The following GK variants were observed in gnomAD, a reference collection of about 807,000 sequenced individuals.
GK encodes glycerol kinase.
Under a neutral mutation model 56.4 loss-of-function variants are expected in GK, and 9 were observed. The ratio of observed to expected loss-of-function variants is 0.16; its 90% confidence interval spans 0.10 to 0.28. The LOEUF (loss-of-function observed/expected upper bound fraction) is 0.28, where lower values mean the gene tolerates loss of function less well. GK is among the 10% of genes least tolerant of loss of function. The pLI, the probability that GK is intolerant of heterozygous loss-of-function variation, is 1.00. For synonymous variants in GK, 104 were observed against 144.1 expected (o/e 0.72, Z 1.99); for missense variants, 161 against 431.4 (o/e 0.37, Z 5.55).
At chrX:30,675,682 T>A (rs1249468340) in intron 3 of GK, among the ~76,000 whole-genome samples, 1 of 107,399 alleles carries the variant, frequency 9.3e-6, no homozygotes, top group African/African-American at 3.4e-5. Flanking sequence ...ATTTTTAAAA[T>A]TTTTTTTTAG....
chrX:30,712,665 C>T (rs1199040746), intron 13 of GK, among the ~76,000 whole-genome samples: 1 of 106,092 alleles, frequency 9.4e-6, no homozygotes, highest in South Asian at 4.2e-4. Flanking sequence ...TGTGTTAGGC[C>T]GGAATGAACT....
At chrX:30,653,905 C>T (rs951932513) in intron 1 of GK, among the ~76,000 whole-genome samples, 4 of 112,645 alleles carry the variant, frequency 3.6e-5, no homozygotes, top group Admixed American at 9.3e-5. Flanking sequence ...AGGGACTCTC[C>T]GAGCATCCGC....
intron 4 of GK, chrX:30,678,141 G>T: frequency 2.2e-6 from 1 of 447,999 alleles, no homozygotes. Context: ...TTGTGTGTTT[G>T]TCTTTCCATC....
chrX:30,699,150 G>A (rs779107312), intron 9 of GK, among the ~76,000 whole-genome samples: 2 of 102,238 alleles, frequency 2.0e-5, no homozygotes, highest in East Asian at 6.1e-4. Context: ...GCTCATCCTA[G>A]TACATCACCC....
At position 30,710,882 on chromosome X, in the gene GK, T is replaced by C. The variant is rs768136861; in HGVS notation, c.975+2748T>C. On this transcript the variant is annotated intron_variant, in intron 13 of 20. Coordinates refer to ENST00000427190, the MANE Select transcript of GK (RefSeq NM_001205019.2). ...AGTGTATGTCATTTTTTGGTATTTTTAATCTCCCGACCATGATAAGGAACT... is the reference window on the plus strand; with the variant it reads ...AGTGTATGTCATTTTTTGGTATTTTCAATCTCCCGACCATGATAAGGAACT... 4.5e-5 allele frequency among the ~76,000 whole-genome samples: 5 copies of C among 111,548 alleles called. No homozygotes were observed. The South Asian group carries it at 1.8e-3, about 41-fold the overall frequency.
Position 30,724,168 on chromosome X carries a change from A to G in GK, c.1569A>G (p.Gln523=). The G allele has an allele frequency of 1.7e-6, 2 of 1,145,482 alleles. No individual in the cohort carries two copies. The highest frequency in any genetic ancestry group is 2.7e-4 in the Middle Eastern group (1 of 3,760). The allele number at this position is 1,145,482 out of a possible 1,213,427, so 94.4% of individuals were successfully genotyped here. ...VMKSMGWVTT[Q]SPESGDPSIF... Reference sequence around the variant, plus strand: ...AGTCAATGGGTTGGGTTACAACTCAATCTCCAGAAAGTGGTAAAAATGTTT... The same window carrying G: ...AGTCAATGGGTTGGGTTACAACTCAGTCTCCAGAAAGTGGTAAAAATGTTT... The change falls in exon 19 of 21, where the codon CAA becomes CAG. Residue 523 remains glutamine (Q), a synonymous_variant. Transcript: ENST00000427190.
At chrX:30,690,866 T>C (rs1934893200) in intron 4 of GK, among the ~76,000 whole-genome samples, 1 of 111,994 alleles carries the variant, frequency 8.9e-6, no homozygotes, top group African/African-American at 3.2e-5. Flanking sequence ...TAATACAAAA[T>C]AAGCACTCTA....
intron 19 of GK, among the ~76,000 whole-genome samples, chrX:30,727,235 T>C (rs1337514709): frequency 8.9e-6 from 1 of 112,782 alleles, no homozygotes; most frequent in African/African-American, 3.2e-5. Context: ...ATATGTATTA[T>C]GTTCTTGGCT....
intron 2 of GK, among the ~76,000 whole-genome samples, chrX:30,667,139 G>C (rs1933139167): frequency 9.0e-6 from 1 of 110,561 alleles, no homozygotes; most frequent in Non-Finnish European, 1.9e-5. Flanking sequence ...GGACGACAGA[G>C]CGAGACTCCA....
At chrX:30,698,932 T>G (rs756282487) in intron 9 of GK, among the ~76,000 whole-genome samples, 1 of 94,002 alleles carries the variant, frequency 1.1e-5, no homozygotes, top group African/African-American at 3.9e-5. Context: ...AAGAAAGAAA[T>G]AAAATGATAC....
At chrX:30,694,182 G>T (rs910591767) in intron 5 of GK, among the ~76,000 whole-genome samples, 11 of 111,660 alleles carry the variant, frequency 9.9e-5, no homozygotes, top group African/African-American at 3.6e-4. Flanking sequence ...ACCTTGCTAC[G>T]TGGATGCCCT....
chrX:30,719,769 C>T (rs1406369325), intron 15 of GK, among the ~76,000 whole-genome samples: 3 of 111,883 alleles, frequency 2.7e-5, no homozygotes, highest in African/African-American at 9.7e-5. Flanking sequence ...GAAGGGACAT[C>T]ATCATAATGA....
At chrX:30,663,971 A>T (rs759287246) in intron 1 of GK, among the ~76,000 whole-genome samples, 98 of 93,688 alleles carry the variant, frequency 1.0e-3, no homozygotes, top group African/African-American at 3.5e-3. Context: ...TTATATATAT[A>T]TTTTATATAT....
At position 30,653,623 on chromosome X, in the gene GK, C is replaced by T. The variant is rs757774598; in HGVS notation, c.78+8C>T. ...AGTTCGACGCGCTTTTTGGTGAGCCCGGGGTGACATGTGAAGAGGCGCTGA... is the reference window on the plus strand; with the variant it reads ...AGTTCGACGCGCTTTTTGGTGAGCCTGGGGTGACATGTGAAGAGGCGCTGA... On this transcript the variant is annotated splice_region_variant and intron_variant, in intron 1 of 20. Transcript: ENST00000427190. 8.3e-7 allele frequency: 1 copy of T among 1,197,734 alleles called. No individual in the cohort carries two copies. The highest frequency in any genetic ancestry group is 1.8e-5 in the South Asian group (1 of 56,569).
At chrX:30,718,735 C>T (rs1162383907) in intron 14 of GK, 119 bp downstream of exon 14, 1 of 499,527 alleles carries the variant, frequency 2.0e-6, no homozygotes, top group African/African-American at 2.4e-5. Flanking sequence ...TATATGGATC[C>T]CTATTATGAG....
chrX:30,689,049 A>G (rs1167972381), intron 4 of GK, among the ~76,000 whole-genome samples: 2 of 112,157 alleles, frequency 1.8e-5, no homozygotes, highest in African/African-American at 6.5e-5. Flanking sequence ...GAACTCTGAT[A>G]TTTTCCATTC....
intron 1 of GK, among the ~76,000 whole-genome samples, chrX:30,656,398 A>T (rs1385085596): frequency 8.9e-6 from 1 of 112,249 alleles, no homozygotes; most frequent in African/African-American, 3.2e-5. Context: ...CCTGAGACCA[A>T]TAATCTCTGC....
intron 4 of GK, among the ~76,000 whole-genome samples, chrX:30,685,128 C>CTT (rs759747320): frequency 9.5e-6 from 1 of 105,558 alleles, no homozygotes. Flanking sequence ...TATTTTTTTT[C>CTT]TTTTTTTTTT....
chrX:30,725,107 T>C (rs930948653), intron 19 of GK, among the ~76,000 whole-genome samples: 3 of 111,175 alleles, frequency 2.7e-5, no homozygotes, highest in Non-Finnish European at 3.8e-5. Context: ...GGTCTGGAAC[T>C]CCTGACCTCA....
Sources: gnomAD v4.1 joint callset for allele counts (sites outside exome capture counted in the v4.1 genomes callset) on GRCh38, gnomAD v4.1.1 for gene constraint, MANE v1.5 for transcripts, NCBI Gene and HGNC (gene_info 2026-07-23, HGNC 2026-07-21) for gene names.